NLRP6: variants seen among roughly 807,000 people sequenced by gnomAD.
NLRP6 encodes the protein NACHT, LRR and PYD domains-containing protein 6.
A neutral mutation model predicts 70.9 loss-of-function variants in NLRP6; 55 were observed. That is an observed-to-expected ratio of 0.78 (90% CI 0.62 to 0.97). The LOEUF is 0.97. NLRP6 is among the 50% of genes least tolerant of loss of function. The pLI, the probability that NLRP6 is intolerant of heterozygous loss-of-function variation, is 0.00. For synonymous variants in NLRP6, 652 were observed against 581.9 expected, an observed-to-expected ratio of 1.12 and a Z score of -1.73; for missense variants, 1,241 against 1,238.3, an observed-to-expected ratio of 1.00 and a Z score of -0.03.
At position 280,834 on chromosome 11, in the gene NLRP6, G is replaced by A. The variant is rs1476892432; in HGVS notation, c.1100G>A (p.Arg367Lys). ...TACAAGTATTTCCGGGATGAGAGGA[G>A]GGCCGAGCGCGCCTACCGCTTCGTG... ...YFYKYFRDER[R>K]AERAYRFVKE... Residue 367 changes from arginine (R) to lysine (K), a missense_variant, in exon 4 of 8, where the codon AGG (arginine) becomes AAG (lysine). Transcript: ENST00000534750. 6.2e-7 allele frequency: 1 copy of A among 1,613,096 alleles called. No homozygotes were observed. The highest frequency in any genetic ancestry group is 1.3e-5 in the African/African-American group (1 of 74,950).
chr11:282,735 C>A lies in NLRP6; in HGVS notation c.2136C>A (p.Ala712=). Residue 712 remains alanine, a synonymous_variant, in exon 5 of 8, where the codon GCC becomes GCA. Transcript: ENST00000534750. ...AAGGCACCACAAAACAACTGCCAGCCTCCCTTCTTCATCCACTCTTTCAGG... is the reference window on the plus strand; with the variant it reads ...AAGGCACCACAAAACAACTGCCAGCATCCCTTCTTCATCCACTCTTTCAGG... ...SSQGTTKQLP[A]SLLHPLFQAM... is the part of the protein sequence containing the mutation. 6.2e-7 allele frequency: 1 copy of A among 1,614,156 alleles called. No individual in the cohort carries two copies. Among genetic ancestry groups the A allele is most frequent in the Non-Finnish European group, 8.5e-7 (1 of 1,179,970 alleles).
In NLRP6 at chr11:278,633, G is replaced by T; in HGVS notation, c.29+35G>T. 6.4e-7 allele frequency: 1 copy of T among 1,560,968 alleles called. No individual in the cohort carries two copies. The highest frequency in any genetic ancestry group is 8.7e-7 in the Non-Finnish European group (1 of 1,153,732). On this transcript the variant is annotated intron_variant, in intron 1 of 7. Transcript: ENST00000534750. This position sits in a 1 kb window ranked among gnomAD's most constrained non-coding sequence, Gnocchi z 4.7. ...GGCCCCAGGGTGGTCACTGGGAACC[G>T]GCTGGTCTCAGCCCTCTGGGGCCTC...
At position 282,696 on chromosome 11, in the gene NLRP6, T is replaced by G; in HGVS notation, c.2106-9T>G. ...AGGGTGGGCTTCACCTTCCTCTCTC[T>G]CCCAGCAGTTCTCAAGGCACCACAA... On this transcript the variant is annotated splice_polypyrimidine_tract_variant and intron_variant, in intron 4 of 7. Transcript: ENST00000534750. The G allele has an allele frequency of 6.2e-7, 1 of 1,610,958 alleles. No homozygotes were observed. Among genetic ancestry groups the G allele is most frequent in the Non-Finnish European group, 8.5e-7 (1 of 1,177,128 alleles).
chr11:280,783 C>G lies in NLRP6; in HGVS notation c.1049C>G (p.Ser350Cys). 1 of 1,612,298 alleles carries G rather than the reference C, an allele frequency of 6.2e-7. No individual in the cohort carries two copies. Among genetic ancestry groups the G allele is most frequent in the Non-Finnish European group, 8.5e-7 (1 of 1,179,568 alleles). Residue 350 changes from serine (S) to cysteine (C), a missense_variant, in exon 4 of 8, where the codon TCC becomes TGC. Transcript: ENST00000534750. ...SPQCAEVRGFSDKDKKKYFYK... is the reference protein window; with the variant it reads ...SPQCAEVRGFCDKDKKKYFYK... The stretch of plus-strand genomic sequence containing the variant: ...CAGTGCGCCGAGGTGCGCGGCTTCT[C>G]CGACAAGGACAAGAAGAAGTATTTC...
intron 5 of NLRP6, among the ~76,000 whole-genome samples, 186 bp downstream of exon 5, chr11:282,983 C>T (rs988966590): frequency 1.3e-5 from 2 of 152,194 alleles, no homozygotes; most frequent in African/African-American, 4.8e-5. Flanking sequence ...GGGTCTGGGG[C>T]TTCATTACCA....
chr11:281,346 A>G lies in NLRP6; in HGVS notation c.1612A>G (p.Ser538Gly). The change falls in exon 4 of 8, where the codon AGC (serine) becomes GGC (glycine). Residue 538 changes from serine to glycine, a missense_variant. Transcript: ENST00000534750. ...CCTGCGTGGGGACGCCCAGCCGCAC[A>G]GCCACTTGGTGCTCACCACGCGCTT... ...TLLRGDAQPH[S>G]HLVLTTRFLF... The G allele has an allele frequency of 6.2e-7, 1 of 1,611,036 alleles. No individual in the cohort carries two copies. The highest frequency in any genetic ancestry group is 8.5e-7 in the Non-Finnish European group (1 of 1,179,214).
In NLRP6 at chr11:280,688, C is replaced by T. The variant is rs777904687; in HGVS notation, c.954C>T (p.Pro318=). 1.7e-5 allele frequency: 27 copies of T among 1,563,786 alleles called. No individual in the cohort carries two copies. The South Asian group carries it at 3.0e-4, about 17-fold the overall frequency. ...LGGLLSKALL[P]TALLLVTTRA... ...GGCTGCTGAGCAAGGCGCTGCTGCCCACGGCCCTCCTGCTGGTGACCACGC... is the reference window on the plus strand; with the variant it reads ...GGCTGCTGAGCAAGGCGCTGCTGCCTACGGCCCTCCTGCTGGTGACCACGC... Residue 318 remains proline, a synonymous_variant, in exon 4 of 8, where the codon CCC becomes CCT. Transcript: ENST00000534750.
Position 284,484 on chromosome 11 carries a change from G to A in NLRP6, c.2379G>A (p.Leu793=), listed in dbSNP as rs1407093143. The change falls in exon 7 of 8, where the codon CTG becomes CTA. Residue 793 remains leucine (L), a synonymous_variant. Coordinates refer to ENST00000534750, the MANE Select transcript of NLRP6 (RefSeq NM_001276700.2). ...GTCGGCCCTCCCACAGGGTACAGCTGCCTGACCCCCAGCGAGGGCTCCAGT... is the reference window on the plus strand; with the variant it reads ...GTCGGCCCTCCCACAGGGTACAGCTACCTGACCCCCAGCGAGGGCTCCAGT... The part of the protein sequence containing the change: ...QCRVQTVRVQ[L]PDPQRGLQYL... 1.2e-5 allele frequency: 20 copies of A among 1,612,800 alleles called. No individual in the cohort carries two copies. Among genetic ancestry groups the A allele is most frequent in the Admixed American group, 1.7e-5 (1 of 59,988 alleles).
chr11:280,672 GC>G lies in NLRP6; in HGVS notation c.939del (p.Ser313ArgfsTer12). 1 of 1,550,278 alleles carries G rather than the reference GC, an allele frequency of 6.5e-7. No homozygotes were observed. Among genetic ancestry groups the G allele is most frequent in the Non-Finnish European group, 8.7e-7 (1 of 1,153,508 alleles). Reference sequence around the variant, plus strand: ...GCGCGGGTGCTAGGCGGGCTGCTGAGCAAGGCGCTGCTGCCCACGGCCCTCC... The same window carrying G: ...GCGCGGGTGCTAGGCGGGCTGCTGAGAAGGCGCTGCTGCCCACGGCCCTCC... Reference protein sequence around the residue: ...SGARVLGGLLSKALLPTALLL... With the variant: ...SGARVLGGLLXKALLPTALLL... On this transcript the variant is annotated frameshift_variant, in exon 4 of 8. Coordinates refer to ENST00000534750, the MANE Select transcript of NLRP6 (RefSeq NM_001276700.2). LOFTEE classifies it high-confidence loss of function.
rs1845521022 is a variant in NLRP6 at position 284,233 on chromosome 11, G to A, written c.2202G>A (p.Leu734=). 1 of 1,613,146 alleles carries A rather than the reference G, an allele frequency of 6.2e-7. No individual in the cohort carries two copies. The highest frequency in any genetic ancestry group is 8.5e-7 in the Non-Finnish European group (1 of 1,179,936). The change falls in exon 6 of 8, where the codon CTG becomes CTA. Residue 734 remains leucine (L), a synonymous_variant. Coordinates refer to ENST00000534750, the MANE Select transcript of NLRP6 (RefSeq NM_001276700.2). The part of the protein sequence containing the change: ...DPLCHLSSLT[L]SHCKLPDAVC... ...TCTCTGTGCTTCTTGACCACAGGCT[G>A]TCCCACTGCAAACTCCCTGACGCGG...
chr11:281,825 C>T lies in NLRP6; in HGVS notation c.2091C>T (p.Ser697=), dbSNP rs1845484736. 4 of 1,579,172 alleles carry T rather than the reference C, an allele frequency of 2.5e-6. No individual in the cohort carries two copies. Among genetic ancestry groups the T allele is most frequent in the Non-Finnish European group, 3.4e-6 (4 of 1,166,806 alleles). Reference sequence around the variant, plus strand: ...GCCTGGGGAAGCGGCTCCAGGCCAGCCTGGGTGGCGGCAGGTGCGTCTCCA... The same window carrying T: ...GCCTGGGGAAGCGGCTCCAGGCCAGTCTGGGTGGCGGCAGGTGCGTCTCCA... ...KKSLGKRLQA[S]LGGGSSQGTT... Residue 697 remains serine, a synonymous_variant, in exon 4 of 8, where the codon AGC becomes AGT. Coordinates refer to ENST00000534750, the MANE Select transcript of NLRP6 (RefSeq NM_001276700.2).
chr11:278,660 A>C lies in NLRP6; in HGVS notation c.29+62A>C, dbSNP rs913290777. 1 of 1,357,160 alleles carries C rather than the reference A, an allele frequency of 7.4e-7. No homozygotes were observed. Among genetic ancestry groups the C allele is most frequent in the African/African-American group, 1.5e-5 (1 of 66,906 alleles). The allele number at this position is 1,357,160 out of a possible 1,614,324, so 84.1% of individuals were successfully genotyped here. A position where few individuals can be genotyped will look rare whatever the true frequency, so the allele number is the denominator to read the frequency against. The stretch of plus-strand genomic sequence containing the variant: ...CTGGTCTCAGCCCTCTGGGGCCTCC[A>C]CCTCACCCGCTGACTTCCTCAGGCT... On this transcript the variant is annotated intron_variant, in intron 1 of 7. Coordinates refer to ENST00000534750, the MANE Select transcript of NLRP6 (RefSeq NM_001276700.2). The surrounding 1 kb of genome is among the most constrained non-coding windows in gnomAD (Gnocchi z 4.7).
chr11:280,799 GAAGT>G lies in NLRP6; in HGVS notation c.1067_1070del (p.Lys356IlefsTer19), dbSNP rs1170210636. 1 of 1,612,856 alleles carries G rather than the reference GAAGT, an allele frequency of 6.2e-7. No homozygotes were observed. ...GCGGCTTCTCCGACAAGGACAAGAA[GAAGT>G]ATTTCTACAAGTATTTCCGGGATGA... On this transcript the variant is annotated frameshift_variant, in exon 4 of 8. Transcript: ENST00000534750. LOFTEE classifies it high-confidence loss of function.
Position 281,271 on chromosome 11 carries a change from C to A in NLRP6, c.1537C>A (p.Leu513Met). ...QEFLAALSYLLEDGGVPRTAA... is the reference protein window; with the variant it reads ...QEFLAALSYLMEDGGVPRTAA... ...GTTCCTCGCGGCACTGTCCTACCTG[C>A]TGGAGGACGGCGGGGTGCCCAGGAC... The change falls in exon 4 of 8, where the codon CTG (leucine) becomes ATG (methionine). Residue 513 changes from leucine to methionine, a missense_variant. Leu to Met is a conservative substitution (Grantham distance 15, BLOSUM62 2). Coordinates refer to ENST00000534750, the MANE Select transcript of NLRP6 (RefSeq NM_001276700.2). 1 of 1,610,426 alleles carries A rather than the reference C, an allele frequency of 6.2e-7. No homozygotes were observed. Among genetic ancestry groups the A allele is most frequent in the Non-Finnish European group, 8.5e-7 (1 of 1,178,000 alleles).
chr11:285,291 T>C lies in NLRP6; in HGVS notation c.2663T>C (p.Ile888Thr), dbSNP rs141313584. ...CACCCACAACCTCCCAAGGAACTCA[T>C]CTCGACCTTCTGAGGCTCTGGTGGC... is the stretch of plus-strand genomic sequence containing the variant. ...DGHPQPPKEL[I>T]STF Residue 888 changes from isoleucine (I) to threonine (T), a missense_variant, in exon 8 of 8, where the codon ATC (isoleucine) becomes ACC (threonine). Physicochemically the swap from Ile to Thr is moderately conservative, Grantham distance 89. Coordinates refer to ENST00000534750, the MANE Select transcript of NLRP6 (RefSeq NM_001276700.2). 7.9e-5 allele frequency: 127 copies of C among 1,608,986 alleles called. No individual in the cohort carries two copies. Among genetic ancestry groups the C allele is most frequent in the Non-Finnish European group, 1.1e-4 (124 of 1,177,544 alleles).
At position 281,085 on chromosome 11, in the gene NLRP6, G is replaced by T; in HGVS notation, c.1351G>T (p.Glu451Ter). 2 of 1,612,696 alleles carry T rather than the reference G, an allele frequency of 1.2e-6. No homozygotes were observed. The highest frequency in any genetic ancestry group is 2.2e-5 in the East Asian group (1 of 44,876). The change falls in exon 4 of 8, where the codon GAG (glutamate) becomes TAG (stop). Residue 451 changes from glutamate to a stop codon, truncating the protein, a stop_gained. Transcript: ENST00000534750. LOFTEE classifies it high-confidence loss of function. ...DLRNLCRLAR[E>*]GVLGRRAQFA... Reference sequence around the variant, plus strand: ...GCGCAATCTGTGCCGCCTGGCCCGCGAGGGCGTCCTCGGACGCAGGGCGCA... The same window carrying T: ...GCGCAATCTGTGCCGCCTGGCCCGCTAGGGCGTCCTCGGACGCAGGGCGCA...
At chr11:282,042 G>A (rs557410232) in intron 4 of NLRP6, among the ~76,000 whole-genome samples, 5 of 152,156 alleles carry the variant, frequency 3.3e-5, no homozygotes, top group South Asian at 4.2e-4. Flanking sequence ...CATGCCCACC[G>A]TCAGCCACCC....
In NLRP6 at chr11:279,835, G is replaced by T; in HGVS notation, c.312G>T (p.Arg104=). The T allele has an allele frequency of 6.3e-7, 1 of 1,576,564 alleles. No individual in the cohort carries two copies. Among genetic ancestry groups the T allele is most frequent in the Non-Finnish European group, 8.6e-7 (1 of 1,164,920 alleles). ...AAQLQERRLQ[R]LGLGSGTLLS... is the part of the protein sequence containing the mutation. ...ACCTCACCCCAGTTTCCCTTCCAGG[G>T]CTCGGGCTCGGCTCCGGGACGCTGC... The change falls in exon 3 of 8, where the codon CGG becomes CGT. Residue 104 remains arginine (R), a splice_region_variant and synonymous_variant. Transcript: ENST00000534750.
chr11:281,807 G>T lies in NLRP6; in HGVS notation c.2073G>T (p.Gly691=). 1 of 1,592,816 alleles carries T rather than the reference G, an allele frequency of 6.3e-7. No homozygotes were observed. The highest frequency in any genetic ancestry group is 8.5e-7 in the Non-Finnish European group (1 of 1,173,046). ...AGGAGAAGAAGAAGAAGAGCCTGGGGAAGCGGCTCCAGGCCAGCCTGGGTG... is the reference window on the plus strand; with the variant it reads ...AGGAGAAGAAGAAGAAGAGCCTGGGTAAGCGGCTCCAGGCCAGCCTGGGTG... ...AAQEKKKKSL[G]KRLQASLGGG... Residue 691 remains glycine (G), a synonymous_variant, in exon 4 of 8, where the codon GGG becomes GGT. Transcript: ENST00000534750.
Sources: gnomAD v4.1 joint callset for allele counts (sites outside exome capture counted in the v4.1 genomes callset) on GRCh38, gnomAD v4.1.1 for gene constraint, Gnocchi (gnomAD v3.1) non-coding constraint, MANE v1.5 for transcripts, NCBI Gene and HGNC (gene_info 2026-07-23, HGNC 2026-07-21) for gene names.